The following IFT140 variants were observed in gnomAD, a reference collection of about 807,000 sequenced individuals.
IFT140 encodes the protein intraflagellar transport protein 140 homolog.
A neutral mutation model predicts 164.6 loss-of-function variants in IFT140; 133 were observed. The observed-to-expected ratio is 0.81, with a 90% CI of 0.70 to 0.93. The LOEUF is 0.93. Among genes scored for constraint, IFT140 ranks in the 40% least tolerant of loss-of-function variants. The pLI, the probability that IFT140 is intolerant of heterozygous loss-of-function variation, is 0.00. For synonymous variants in IFT140, 860 were observed against 817.3 expected, an observed-to-expected ratio of 1.05 and a Z score of -0.89; for missense variants, 2,045 against 1,972.3, an observed-to-expected ratio of 1.04 and a Z score of -0.70.
intron 6 of IFT140, 122 bp from the exon 7 acceptor site, chr16:1,589,902 G>A: frequency 6.5e-6 from 6 of 922,610 alleles, no homozygotes; most frequent in Middle Eastern, 3.2e-4. Context: ...TTCAGTATAA[G>A]AACTTAAAAA....
In IFT140 at chr16:1,510,836, C is replaced by A; in HGVS notation, c.*108G>T. 1 of 1,053,176 alleles carries A rather than the reference C, an allele frequency of 9.5e-7. No homozygotes were observed. The highest frequency in any genetic ancestry group is 1.4e-5 in the South Asian group (1 of 73,892). The allele number at this position is 1,053,176 out of a possible 1,614,324, so 65.2% of individuals were successfully genotyped here. A position where few individuals can be genotyped will look rare whatever the true frequency, so the allele number is the denominator to read the frequency against. On this transcript the variant is annotated 3_prime_UTR_variant, in exon 31 of 31. Transcript: ENST00000426508. Reference sequence around the variant, plus strand: ...CGCCCAGCTCTGTCGCGTATTCCAACACAGACATGTTTTTTCCCAGCAAAA... The same window carrying A: ...CGCCCAGCTCTGTCGCGTATTCCAAAACAGACATGTTTTTTCCCAGCAAAA...
At chr16:1,518,075 T>C in intron 30 of IFT140, 141 bp downstream of exon 30, 1 of 767,454 alleles carries the variant, frequency 1.3e-6, no homozygotes, top group Non-Finnish European at 2.0e-6. Context: ...TGGGCTCAAG[T>C]CATTCTCCTG....
At chr16:1,568,871 C>T (rs2033866341) in intron 14 of IFT140, among the ~76,000 whole-genome samples, 1 of 152,246 alleles carries the variant, frequency 6.6e-6, no homozygotes, top group Non-Finnish European at 1.5e-5. Flanking sequence ...TGCTTCATCG[C>T]CCGCTGTGAC....
At chr16:1,598,783 G>A (rs867347013) in intron 4 of IFT140, among the ~76,000 whole-genome samples, 18 of 152,338 alleles carry the variant, frequency 1.2e-4, no homozygotes, top group Middle Eastern at 6.8e-3. Flanking sequence ...AGGAGCAGCC[G>A]CCTGCCTTGG....
At chr16:1,555,018 C>A (rs1420676403) in intron 19 of IFT140, 1 of 1,609,542 alleles carries the variant, frequency 6.2e-7, no homozygotes, top group African/African-American at 1.3e-5. Context: ...CGTGGAGTCA[C>A]CATGCTGAGT....
rs2032945629 is a variant in IFT140, at chr16:1,554,678, A to T, written c.2399+3257T>A. ...CCCGCTCTAGGACAGAGGGCTGGGG[A>T]AGGATAAAGCAGGCTGGAACCTGCT... On this transcript the variant is annotated intron_variant, in intron 19 of 30. Transcript: ENST00000426508. 2.0e-6 allele frequency: 3 copies of T among 1,481,878 alleles called. 1 individual carries two copies. The highest frequency in any genetic ancestry group is 2.6e-5 in the South Asian group (2 of 77,458). 91.8% of individuals were successfully genotyped at this position (1,481,878 alleles called of 1,614,324 possible).
intron 19 of IFT140, chr16:1,541,181 A>AGGCTGGGCACAGGCCTGCTGTGAGTGG: frequency 1.0e-6 from 1 of 985,390 alleles, no homozygotes; most frequent in African/African-American, 1.7e-5. Flanking sequence ...GGGACAGAGA[A>AGGCTGGGCACAGGCCTGCTGTGAGTGG]GGCTGGGCAC....
intron 2 of IFT140, among the ~76,000 whole-genome samples, chr16:1,609,702 A>T (rs943234293): frequency 6.6e-6 from 1 of 152,266 alleles, no homozygotes; most frequent in Non-Finnish European, 1.5e-5. Flanking sequence ...AATTGTTCAT[A>T]GTTCCTTTCA....
chr16:1,556,403 G>A (rs2033085377), intron 19 of IFT140, among the ~76,000 whole-genome samples: 1 of 152,254 alleles, frequency 6.6e-6, no homozygotes, highest in African/African-American at 2.4e-5. Flanking sequence ...CTCTGCCTGG[G>A]TGCGGCACTG....
At chr16:1,544,613 T>C (rs1470052309) in intron 19 of IFT140, among the ~76,000 whole-genome samples, 1 of 151,734 alleles carries the variant, frequency 6.6e-6, no homozygotes, top group Non-Finnish European at 1.5e-5. Context: ...TACAAACGTG[T>C]GCTACTGCGC....
intron 4 of IFT140, among the ~76,000 whole-genome samples, chr16:1,594,699 G>A (rs1307800102): frequency 2.6e-5 from 4 of 152,358 alleles, no homozygotes; most frequent in African/African-American, 9.6e-5. Flanking sequence ...TTCGGGAAGG[G>A]GAGGACGGCT....
chr16:1,534,263 A>G (rs1173540452), intron 19 of IFT140: 2 of 1,609,162 alleles, frequency 1.2e-6, no homozygotes, highest in East Asian at 4.5e-5. Context: ...AAGCGGCGGC[A>G]CCGGCGTCAG....
At chr16:1,571,231 C>T (rs1221093116) in intron 14 of IFT140, among the ~76,000 whole-genome samples, 176 bp downstream of exon 14, 1 of 152,260 alleles carries the variant, frequency 6.6e-6, no homozygotes, top group Non-Finnish European at 1.5e-5. Flanking sequence ...GCTCCACCAC[C>T]AGGCAAAGGC....
At position 1,547,934 on chromosome 16, in the gene IFT140, C is replaced by T. The variant is rs575150232; in HGVS notation, c.2399+10001G>A. 6.6e-5 allele frequency among the ~76,000 whole-genome samples: 10 copies of T among 152,322 alleles called. No individual in the cohort carries two copies. The East Asian group carries it at 1.7e-3, about 26-fold the overall frequency. On this transcript the variant is annotated intron_variant, in intron 19 of 30. Coordinates refer to ENST00000426508, the MANE Select transcript of IFT140 (RefSeq NM_014714.4). ...TCAAGTGATCCTCCCGCTTCAGCCT[C>T]TCAAAGTGCTAGGATGAAGGTGTGG...
chr16:1,554,071 A>T, intron 19 of IFT140: 1 of 1,287,120 alleles, frequency 7.8e-7, no homozygotes, highest in East Asian at 5.6e-5. Flanking sequence ...ATGGAAGGAA[A>T]ATCTGCCAGG....
In IFT140 at chr16:1,584,431, A is replaced by G. The variant is rs1418987631; in HGVS notation, c.1156-11T>C. The G allele has an allele frequency of 1.1e-5, 17 of 1,588,604 alleles. No homozygotes were observed. In the South Asian group the frequency reaches 1.6e-4, roughly 15 times the overall value. On this transcript the variant is annotated splice_polypyrimidine_tract_variant and intron_variant, in intron 10 of 30. Transcript: ENST00000426508. Reference sequence around the variant, plus strand: ...CTTCCTGGAACCCCACTTCATTTCCAGGTTGCAAGAGAAAGAACCAGATGT... The same window carrying G: ...CTTCCTGGAACCCCACTTCATTTCCGGGTTGCAAGAGAAAGAACCAGATGT...
chr16:1,554,970 C>G, intron 19 of IFT140: 1 of 1,613,960 alleles, frequency 6.2e-7, no homozygotes. Flanking sequence ...CAGCCGCTCC[C>G]TGACAGCGCG....
At position 1,520,499 on chromosome 16, in the gene IFT140, C is replaced by A. The variant is rs560584234; in HGVS notation, c.3660+103G>T. On this transcript the variant is annotated intron_variant, in intron 27 of 30. Transcript: ENST00000426508. ...GCTCTTCCTGGCCAGAAAGGCTCAG[C>A]CCTAGCTTGGGGTCATCACGAAGGC... is the stretch of plus-strand genomic sequence containing the variant. 42 of 1,386,938 alleles carry A rather than the reference C, an allele frequency of 3.0e-5. No homozygotes were observed. In the African/African-American group the frequency reaches 5.1e-4, roughly 17 times the overall value. The allele number at this position is 1,386,938 out of a possible 1,614,324, so 85.9% of individuals were successfully genotyped here. A position where few individuals can be genotyped will look rare whatever the true frequency, so the allele number is the denominator to read the frequency against.
At chr16:1,584,112 G>C (rs1346234620) in intron 11 of IFT140, 105 bp downstream of exon 11, 3 of 833,864 alleles carry the variant, frequency 3.6e-6, no homozygotes, top group East Asian at 2.7e-5. Context: ...GGATGGAACT[G>C]AGAGTGGCCT....
Sources: gnomAD v4.1 joint callset for allele counts (sites outside exome capture counted in the v4.1 genomes callset) on GRCh38, gnomAD v4.1.1 for gene constraint, MANE v1.5 for transcripts, NCBI Gene and HGNC (gene_info 2026-07-23, HGNC 2026-07-21) for gene names.